ASIC2: variants seen among roughly 807,000 people sequenced by gnomAD.
The protein encoded by ASIC2 is acid sensing ion channel subunit 2, also known as acid-sensing ion channel 2.
ASIC2 carries 25 observed loss-of-function variants against 57.3 expected under a neutral mutation model. That is an observed-to-expected ratio of 0.44 (90% CI 0.32 to 0.61). ASIC2 has a LOEUF of 0.61. Among genes scored for constraint, ASIC2 ranks in the 20% least tolerant of loss-of-function variants. The probability of loss-of-function intolerance (pLI) is 0.06; values close to 1 mark genes in which losing one functional copy is unlikely to be tolerated. For synonymous variants in ASIC2, 319 were observed against 307.5 expected, an observed-to-expected ratio of 1.04 and a Z score of -0.39; for missense variants, 641 against 738.1, an observed-to-expected ratio of 0.87 and a Z score of 1.52.
rs188139111 is a variant in ASIC2 at position 34,082,266 on chromosome 17, G to A, written c.555+73712C>T. The A allele has an allele frequency of 1.8e-4, 27 of 152,312 alleles. No individual in the cohort carries two copies. In the East Asian group the frequency reaches 5.0e-3, roughly 28 times the overall value. 9.4% of individuals were successfully genotyped at this position (152,312 alleles called of 1,614,324 possible). On this transcript the variant is annotated intron_variant, in intron 1 of 9. Transcript: ENST00000359872. ...AGATGAGAACACTAGAGTCATGGAA[G>A]TCAGTGATCTCTAGGTATTGGAATT...
At chr17:33,276,733 T>G (rs780330376) in intron 1 of ASIC2, among the ~76,000 whole-genome samples, 1 of 152,188 alleles carries the variant, frequency 6.6e-6, no homozygotes, top group Non-Finnish European at 1.5e-5. Flanking sequence ...TAATAGAAAC[T>G]TAACAATTGC....
intron 1 of ASIC2, among the ~76,000 whole-genome samples, chr17:33,379,164 T>C (rs560835070): frequency 2.5e-4 from 38 of 152,186 alleles, no homozygotes; most frequent in Non-Finnish European, 4.9e-4. Flanking sequence ...GTGATGGTGA[T>C]GGTTTTAGGA....
At chr17:33,231,998 G>A (rs2142108654) in intron 1 of ASIC2, among the ~76,000 whole-genome samples, 1 of 152,226 alleles carries the variant, frequency 6.6e-6, no homozygotes, top group South Asian at 2.1e-4. Context: ...GCTCTTCACA[G>A]TTTATGCTGA....
chr17:33,401,576 C>T (rs1910288982), intron 1 of ASIC2, among the ~76,000 whole-genome samples: 2 of 152,070 alleles, frequency 1.3e-5, no homozygotes, highest in Admixed American at 6.5e-5. Flanking sequence ...TTCTCTTGCC[C>T]CTAATTGAGC....
chr17:33,628,449 G>A (rs1300071162), intron 1 of ASIC2, among the ~76,000 whole-genome samples: 1 of 151,754 alleles, frequency 6.6e-6, no homozygotes, highest in Non-Finnish European at 1.5e-5. Flanking sequence ...ATGCCACCAT[G>A]CCTGGCTAGT....
chr17:33,846,978 G>A (rs781680671), intron 1 of ASIC2, among the ~76,000 whole-genome samples: 4 of 151,104 alleles, frequency 2.6e-5, no homozygotes, highest in Non-Finnish European at 5.9e-5. Context: ...GTACAATTCC[G>A]TCTCAGCTCC....
chr17:33,373,249 G>T (rs887004188), intron 1 of ASIC2, among the ~76,000 whole-genome samples: 1 of 152,224 alleles, frequency 6.6e-6, no homozygotes, highest in Non-Finnish European at 1.5e-5. Flanking sequence ...GCTAGGTGGG[G>T]ACAGGGTGTT....
chr17:33,219,971 G>T (rs1719360798), intron 1 of ASIC2, among the ~76,000 whole-genome samples: 1 of 152,126 alleles, frequency 6.6e-6, no homozygotes, highest in African/African-American at 2.4e-5. Context: ...GTCCCATGGG[G>T]GTTAAGTCTC....
chr17:33,773,075 G>A (rs990149912), intron 1 of ASIC2, among the ~76,000 whole-genome samples: 22 of 152,186 alleles, frequency 1.4e-4, no homozygotes, highest in African/African-American at 4.3e-4. Context: ...TGACTCAAAT[G>A]TAGTGAAATG....
intron 1 of ASIC2, among the ~76,000 whole-genome samples, chr17:33,714,966 T>A (rs1429982741): frequency 7.0e-6 from 1 of 142,194 alleles, no homozygotes; most frequent in African/African-American, 2.7e-5. Context: ...TACAGGCTCA[T>A]GCCACCATGC....
At chr17:33,438,304 A>AG (rs1415922804) in intron 1 of ASIC2, among the ~76,000 whole-genome samples, 1 of 152,206 alleles carries the variant, frequency 6.6e-6, no homozygotes, top group East Asian at 1.9e-4. Context: ...CACAGGATGG[A>AG]GGGAAGTGTG....
intron 1 of ASIC2, among the ~76,000 whole-genome samples, chr17:33,456,885 TCAA>T (rs1912470542): frequency 6.6e-6 from 1 of 152,188 alleles, no homozygotes; most frequent in Non-Finnish European, 1.5e-5. Flanking sequence ...GTACGAGTAC[TCAA>T]CAACTGTCAG....
chr17:33,194,424 G>A, intron 1 of ASIC2, among the ~76,000 whole-genome samples: 1 of 152,276 alleles, frequency 6.6e-6, no homozygotes, highest in East Asian at 1.9e-4. Context: ...ATGATCAAAT[G>A]ACAGGATAGA....
intron 1 of ASIC2, among the ~76,000 whole-genome samples, chr17:33,920,880 T>C (rs1915696780): frequency 6.6e-6 from 1 of 152,142 alleles, no homozygotes; most frequent in African/African-American, 2.4e-5. Flanking sequence ...TCACCTTGCA[T>C]GTTTCCAGGG....
intron 1 of ASIC2, among the ~76,000 whole-genome samples, chr17:33,660,080 C>T (rs944856487): frequency 2.0e-5 from 3 of 151,530 alleles, no homozygotes; most frequent in East Asian, 3.9e-4. Flanking sequence ...GAGACTCTGT[C>T]GCAAAAAACA....
intron 1 of ASIC2, among the ~76,000 whole-genome samples, chr17:34,136,721 G>A (rs1411150169): frequency 1.3e-5 from 2 of 152,178 alleles, no homozygotes; most frequent in African/African-American, 2.4e-5. Context: ...ACCACCTTGG[G>A]TACGTGTTCT....
intron 1 of ASIC2, among the ~76,000 whole-genome samples, chr17:33,432,130 G>A (rs1329097419): frequency 6.6e-6 from 1 of 152,172 alleles, no homozygotes; most frequent in Non-Finnish European, 1.5e-5. Flanking sequence ...GTAATACGTA[G>A]ATTTTCTTCT....
intron 1 of ASIC2, among the ~76,000 whole-genome samples, chr17:33,625,564 A>G (rs1290968729): frequency 6.6e-6 from 1 of 152,232 alleles, no homozygotes. Context: ...TCTTAGATTA[A>G]TTTGCAACAC....
At chr17:33,139,939 T>G (rs985770270) in intron 1 of ASIC2, among the ~76,000 whole-genome samples, 6 of 152,238 alleles carry the variant, frequency 3.9e-5, no homozygotes, top group African/African-American at 1.4e-4. Context: ...TAACACGTTT[T>G]GCCCCATCTA....
Sources: allele counts gnomAD v4.1 joint callset (sites outside exome capture counted in the v4.1 genomes callset), GRCh38; gene constraint gnomAD v4.1.1; transcripts MANE v1.5; gene names NCBI Gene and HGNC (gene_info 2026-07-23, HGNC 2026-07-21).